The following ELOVL7 variants were observed in gnomAD, a reference collection of about 807,000 sequenced individuals.
The protein encoded by ELOVL7 is ELOVL fatty acid elongase 7.
A neutral mutation model predicts 35.7 loss-of-function variants in ELOVL7; 27 were observed. The observed-to-expected ratio is 0.76, with a 90% CI of 0.56 to 1.04. The LOEUF (loss-of-function observed/expected upper bound fraction) is 1.04. ELOVL7 is among the 50% of genes least tolerant of loss of function. ELOVL7 has a pLI of 0.00. For synonymous variants in ELOVL7, 113 were observed against 114.6 expected, an observed-to-expected ratio of 0.99 and a Z score of 0.09; for missense variants, 327 against 340.8, an observed-to-expected ratio of 0.96 and a Z score of 0.32.
chr5:60,808,100 TCAGAAACAGC>T (rs1031214747), intron 1 of ELOVL7, among the ~76,000 whole-genome samples: 2 of 119,608 alleles, frequency 1.7e-5, no homozygotes, highest in African/African-American at 3.1e-5. Context: ...AAAAGATAAA[TCAGAAACAGC>T]CAGAAACAGA....
At chr5:60,766,846 A>G (rs1742273470) in intron 5 of ELOVL7, among the ~76,000 whole-genome samples, 1 of 152,144 alleles carries the variant, frequency 6.6e-6, no homozygotes. Flanking sequence ...AGCTACACCC[A>G]CTAAACTACA....
At chr5:60,774,345 T>C (rs1360594341) in intron 3 of ELOVL7, among the ~76,000 whole-genome samples, 1 of 152,176 alleles carries the variant, frequency 6.6e-6, no homozygotes, top group Non-Finnish European at 1.5e-5. Flanking sequence ...TGGTTCAACA[T>C]ATTCAAGTCA....
chr5:60,802,903 A>G (rs1165807030), intron 1 of ELOVL7, among the ~76,000 whole-genome samples: 1 of 152,228 alleles, frequency 6.6e-6, no homozygotes, highest in Non-Finnish European at 1.5e-5. Flanking sequence ...TCATAGTATA[A>G]GAAGTCCAAA....
chr5:60,767,933 G>C (rs771489747), intron 4 of ELOVL7, 30 bp from the exon 5 acceptor site: 1 of 1,578,556 alleles, frequency 6.3e-7, no homozygotes, highest in Non-Finnish European at 8.7e-7. Flanking sequence ...TATTAAGAAA[G>C]GAAAGCATTT....
chr5:60,783,717 A>G (rs1743397820), intron 3 of ELOVL7, among the ~76,000 whole-genome samples: 1 of 152,228 alleles, frequency 6.6e-6, no homozygotes, highest in South Asian at 2.1e-4. Context: ...AGCAATGAAA[A>G]TATTAGTATT....
intron 7 of ELOVL7, among the ~76,000 whole-genome samples, chr5:60,759,924 T>G (rs1584148755): frequency 6.6e-6 from 1 of 152,192 alleles, no homozygotes; most frequent in Non-Finnish European, 1.5e-5. Flanking sequence ...TTACTGAGAA[T>G]GATGATTTCC....
intron 3 of ELOVL7, among the ~76,000 whole-genome samples, chr5:60,779,103 G>A (rs979845055): frequency 6.6e-6 from 1 of 152,198 alleles, no homozygotes; most frequent in African/African-American, 2.4e-5. Context: ...CCATGGCCTT[G>A]GGCAGCTCTG....
At chr5:60,836,569 CA>C (rs1422801746) in intron 1 of ELOVL7, among the ~76,000 whole-genome samples, 1 of 152,002 alleles carries the variant, frequency 6.6e-6, no homozygotes, top group East Asian at 1.9e-4. Context: ...GAAGAAGGTA[CA>C]AAAAGACAGG....
intron 7 of ELOVL7, among the ~76,000 whole-genome samples, chr5:60,762,534 G>GA (rs999763848): frequency 4.3e-4 from 65 of 151,938 alleles, no homozygotes; most frequent in African/African-American, 1.5e-3. Context: ...TAAAGAGGGA[G>GA]AAAAAAACCA....
intron 8 of ELOVL7, among the ~76,000 whole-genome samples, chr5:60,757,163 C>G (rs1741587124): frequency 6.6e-6 from 1 of 152,080 alleles, no homozygotes; most frequent in Non-Finnish European, 1.5e-5. Context: ...TGCATTCCCT[C>G]AAGGTCATTT....
chr5:60,781,816 G>T (rs1743273382), intron 3 of ELOVL7, among the ~76,000 whole-genome samples: 2 of 152,128 alleles, frequency 1.3e-5, no homozygotes, highest in African/African-American at 4.8e-5. Flanking sequence ...GTCACCTTGG[G>T]CAATTGACTC....
chr5:60,797,708 C>G (rs1744348726), intron 2 of ELOVL7, among the ~76,000 whole-genome samples: 1 of 152,162 alleles, frequency 6.6e-6, no homozygotes, highest in Non-Finnish European at 1.5e-5. Context: ...CTTTAGGCAG[C>G]CAGTGAAAGT....
At chr5:60,795,365 C>G (rs6890201) in intron 2 of ELOVL7, among the ~76,000 whole-genome samples, 88,342 of 151,992 alleles carry the variant, frequency 0.58, 26,435 homozygotes, top group East Asian at 0.89. Flanking sequence ...AGGTAGTAAA[C>G]AGGGCTCACT....
At chr5:60,754,899 A>G in intron 8 of ELOVL7, 66 bp from the exon 9 acceptor site, 8 of 1,356,362 alleles carry the variant, frequency 5.9e-6, no homozygotes, top group Non-Finnish European at 8.3e-6. Flanking sequence ...TTACCTACCT[A>G]TGTTTATGCA....
chr5:60,771,890 T>C lies in ELOVL7; in HGVS notation c.255+13A>G, dbSNP rs756423789. ...GGCAAAATTCTCCCATTAGGAATAC[T>C]GAAGACACTTGCCTCATAACACATA... is the stretch of plus-strand genomic sequence containing the variant. On this transcript the variant is annotated intron_variant, in intron 4 of 8. Transcript: ENST00000508821. 7 of 1,559,770 alleles carry C rather than the reference T, an allele frequency of 4.5e-6. No homozygotes were observed. The highest frequency in any genetic ancestry group is 2.7e-5 in the African/African-American group (2 of 73,072).
intron 1 of ELOVL7, among the ~76,000 whole-genome samples, chr5:60,812,605 AG>A (rs1257039127): frequency 6.6e-6 from 1 of 152,238 alleles, no homozygotes; most frequent in East Asian, 1.9e-4. Flanking sequence ...GCATCTCTAA[AG>A]GTATTCCTCA....
At chr5:60,840,395 T>C (rs1417832002) in intron 1 of ELOVL7, among the ~76,000 whole-genome samples, 1 of 152,178 alleles carries the variant, frequency 6.6e-6, no homozygotes, top group African/African-American at 2.4e-5. Context: ...ATTAGAGTGA[T>C]GCCAGCACAA....
chr5:60,757,625 C>G lies in ELOVL7; in HGVS notation c.520G>C (p.Ala174Pro), dbSNP rs375469282. 6.3e-7 allele frequency: 1 copy of G among 1,581,848 alleles called. No individual in the cohort carries two copies. Among genetic ancestry groups the G allele is most frequent in the African/African-American group, 1.3e-5 (1 of 74,702 alleles). The change falls in exon 8 of 9, where the codon GCC becomes CCC. Residue 174 changes from alanine to proline, a missense_variant. Physicochemically the swap from Ala to Pro is conservative, Grantham distance 27. Transcript: ENST00000508821. ...ACATGTACAGCTGTATTTAGAAGGG[C>G]ATGGAATGTTCCCAAACCACCTGGA... The part of the protein sequence containing the change: ...FAAGGLGTFH[A>P]LLNTAVHVVM...
At chr5:60,825,866 G>T (rs1209087410) in intron 1 of ELOVL7, among the ~76,000 whole-genome samples, 1 of 152,242 alleles carries the variant, frequency 6.6e-6, no homozygotes, top group Non-Finnish European at 1.5e-5. Context: ...TTACAAGAAT[G>T]AGAGGAAGGG....
Sources: gnomAD v4.1 joint callset for allele counts (sites outside exome capture counted in the v4.1 genomes callset) on GRCh38, gnomAD v4.1.1 for gene constraint, MANE v1.5 for transcripts, NCBI Gene and HGNC (gene_info 2026-07-23, HGNC 2026-07-21) for gene names.